HAUS5: variants seen among roughly 807,000 people sequenced by gnomAD.
HAUS5 encodes HAUS augmin-like complex subunit 5.
HAUS5 carries 67 observed loss-of-function variants against 94.1 expected under a neutral mutation model. The ratio of observed to expected loss-of-function variants is 0.71; its 90% CI spans 0.58 to 0.87. HAUS5 has a LOEUF of 0.87. HAUS5 is among the 40% of genes least tolerant of loss of function. The pLI is 0.00. For missense variants in HAUS5, 739 were observed against 825.6 expected, an observed-to-expected ratio of 0.90 and a Z score of 1.29; for synonymous variants, 339 against 355.4, an observed-to-expected ratio of 0.95 and a Z score of 0.52.
In HAUS5 at chr19:35,617,972, G is replaced by T. The variant is rs143635274; in HGVS notation, c.696+60G>T. ...TCCCGCTCCTTGATCAAAACTTAGG[G>T]TGCCAGGACCTAACTCTTGATGACA... is the stretch of plus-strand genomic sequence containing the variant. On this transcript the variant is annotated intron_variant, in intron 9 of 18. Transcript: ENST00000203166. 1.9e-6 allele frequency: 3 copies of T among 1,607,284 alleles called. No homozygotes were observed. In the African/African-American group the frequency reaches 4.0e-5, roughly 21 times the overall value.
At chr19:35,616,240 C>T (rs2071941839) in intron 6 of HAUS5, among the ~76,000 whole-genome samples, 1 of 151,792 alleles carries the variant, frequency 6.6e-6, no homozygotes, top group Non-Finnish European at 1.5e-5. Context: ...ATCACTTGAA[C>T]CCAGGAAAAG....
At position 35,620,266 on chromosome 19, in the gene HAUS5, C is replaced by A. The variant is rs61738561; in HGVS notation, c.1590C>A (p.Ser530Arg). The A allele has an allele frequency of 7.6e-4, 1,219 of 1,613,802 alleles. 8 individuals are homozygous for A. The African/African-American group carries it at 0.015, about 20-fold the overall frequency. The change falls in exon 17 of 19, where the codon AGC becomes AGA. Residue 530 changes from serine (S) to arginine (R), a missense_variant. Physicochemically the swap from Ser to Arg is moderately radical, Grantham distance 110. Transcript: ENST00000203166. ...QDLLLLQDQR[S>R]LWCWDLLHMK... Reference sequence around the variant, plus strand: ...TTCTGCTCCTGCAGGACCAGCGGAGCCTCTGGTGCTGGGATCTACTCCACA... The same window carrying A: ...TTCTGCTCCTGCAGGACCAGCGGAGACTCTGGTGCTGGGATCTACTCCACA...
Position 35,622,898 on chromosome 19 carries a change from G to A in HAUS5, c.1807G>A (p.Ala603Thr), listed in dbSNP as rs370867148. 45 of 1,613,892 alleles carry A rather than the reference G, an allele frequency of 2.8e-5. 1 individual carries two copies. Among genetic ancestry groups the A allele is most frequent in the Admixed American group, 3.3e-5 (2 of 60,002 alleles). The change falls in exon 19 of 19, where the codon GCC (alanine) becomes ACC (threonine). Residue 603 changes from alanine (A) to threonine (T), a missense_variant. Ala to Thr is a moderately conservative substitution (Grantham distance 58, BLOSUM62 0). Transcript: ENST00000203166. The stretch of plus-strand genomic sequence containing the variant: ...CAGGTGGGAGCAGCCAGGCCAGGCC[G>A]CCCTCTCTGAGGAGCTCTGCCAGGG... ...GDWWEQPGQA[A>T]LSEELCQGLS... is the part of the protein sequence containing the mutation.
intron 6 of HAUS5, among the ~76,000 whole-genome samples, chr19:35,616,416 A>G (rs144356719): frequency 1.3e-5 from 2 of 152,342 alleles, no homozygotes; most frequent in African/African-American, 4.8e-5. Context: ...ATTAATACCA[A>G]GCTTATAGGG....
rs1166901223 is a variant in HAUS5 at position 35,623,089 on chromosome 19, T to A, written c.*96T>A. ...TGGAAGAAAGCAGCGCCAGGATTCCTCGGCAGTCGTCCCCACCCGCACCTG... is the reference window on the plus strand; with the variant it reads ...TGGAAGAAAGCAGCGCCAGGATTCCACGGCAGTCGTCCCCACCCGCACCTG... On this transcript the variant is annotated 3_prime_UTR_variant, in exon 19 of 19. Coordinates refer to ENST00000203166, the MANE Select transcript of HAUS5 (RefSeq NM_015302.2). 3 of 856,124 alleles carry A rather than the reference T, an allele frequency of 3.5e-6. No homozygotes were observed. The South Asian group carries it at 4.8e-5, about 14-fold the overall frequency. 53.0% of individuals were successfully genotyped at this position (856,124 alleles called of 1,614,324 possible).
chr19:35,612,788 C>G lies in HAUS5; in HGVS notation c.-7C>G. On this transcript the variant is annotated 5_prime_UTR_variant, in exon 1 of 19. Coordinates refer to ENST00000203166, the MANE Select transcript of HAUS5 (RefSeq NM_015302.2). ...GAGGGAGGCGGTGTCGCCGCCGCGGCGCTGTCATGGAGCTAGCGCAGGAAG... is the reference window on the plus strand; with the variant it reads ...GAGGGAGGCGGTGTCGCCGCCGCGGGGCTGTCATGGAGCTAGCGCAGGAAG... 1 of 1,542,076 alleles carries G rather than the reference C, an allele frequency of 6.5e-7. No homozygotes were observed. The highest frequency in any genetic ancestry group is 2.0e-5 in the Admixed American group (1 of 49,662).
At chr19:35,621,201 T>G (rs909869070) in intron 17 of HAUS5, among the ~76,000 whole-genome samples, 32 of 152,314 alleles carry the variant, frequency 2.1e-4, no homozygotes, top group African/African-American at 6.7e-4. Flanking sequence ...GCCTCTGAGT[T>G]TGGGGCTCCC....
chr19:35,614,575 C>T (rs1281092692), intron 4 of HAUS5, among the ~76,000 whole-genome samples: 1 of 152,046 alleles, frequency 6.6e-6, no homozygotes, highest in Non-Finnish European at 1.5e-5. Flanking sequence ...TAGAGCGAGA[C>T]TCTATCTCAA....
Position 35,620,293 on chromosome 19 carries a change from G to A in HAUS5, c.1617G>A (p.Met539Ile), listed in dbSNP as rs1007492268. 6.2e-6 allele frequency: 10 copies of A among 1,613,276 alleles called. No homozygotes were observed. The highest frequency in any genetic ancestry group is 8.5e-6 in the Non-Finnish European group (10 of 1,179,842). ...TCTGGTGCTGGGATCTACTCCACAT[G>A]AAGACCAGCCTGCCGCCAGGCCTTC... is the stretch of plus-strand genomic sequence containing the variant. ...RSLWCWDLLH[M>I]KTSLPPGLPT... The change falls in exon 17 of 19, where the codon ATG becomes ATA. Residue 539 changes from methionine (M) to isoleucine (I), a missense_variant. Coordinates refer to ENST00000203166, the MANE Select transcript of HAUS5 (RefSeq NM_015302.2).
rs749955742 is a variant in HAUS5 at position 35,615,391 on chromosome 19, G to A, written c.485+5G>A. 1.2e-6 allele frequency: 2 copies of A among 1,601,360 alleles called. No homozygotes were observed. Among genetic ancestry groups the A allele is most frequent in the African/African-American group, 1.3e-5 (1 of 74,726 alleles). ...GCGCCTGCAGGACATGGAGAGGTGG[G>A]CCTCAGGGACCCACCCTCACCAGGC... On this transcript the variant is annotated splice_donor_5th_base_variant and intron_variant, in intron 6 of 18. Coordinates refer to ENST00000203166, the MANE Select transcript of HAUS5 (RefSeq NM_015302.2).
intron 8 of HAUS5, 68 bp from the exon 9 acceptor site, chr19:35,617,787 G>A (rs1246005330): frequency 2.3e-6 from 3 of 1,307,966 alleles, no homozygotes; most frequent in Non-Finnish European, 3.3e-6. Context: ...CTTATAGGGT[G>A]GTGGTGATAA....
rs775569821 is a variant in HAUS5, at chr19:35,612,780, C to A, written c.-15C>A. ...AAGAGGCTGAGGGAGGCGGTGTCGC[C>A]GCCGCGGCGCTGTCATGGAGCTAGC... On this transcript the variant is annotated 5_prime_UTR_variant, in exon 1 of 19. Coordinates refer to ENST00000203166, the MANE Select transcript of HAUS5 (RefSeq NM_015302.2). The A allele has an allele frequency of 3.2e-6, 5 of 1,539,584 alleles. No individual in the cohort carries two copies. Among genetic ancestry groups the A allele is most frequent in the South Asian group, 1.2e-5 (1 of 83,404 alleles).
In HAUS5 at chr19:35,615,274, C is replaced by T. The variant is rs760065079; in HGVS notation, c.373C>T (p.Arg125Ter). 5.0e-6 allele frequency: 8 copies of T among 1,613,946 alleles called. No individual in the cohort carries two copies. Among genetic ancestry groups the T allele is most frequent in the South Asian group, 1.1e-5 (1 of 91,074 alleles). ...ARQHTQDTQR[R>*]ALLLRAQAGA... ...TCAGCACACTCAAGACACCCAGCGT[C>T]GAGCTCTCCTCCTCCGGGCCCAAGC... Residue 125 changes from arginine (R) to a stop codon, truncating the protein, a stop_gained, in exon 6 of 19, where the codon CGA becomes TGA. Coordinates refer to ENST00000203166, the MANE Select transcript of HAUS5 (RefSeq NM_015302.2). LOFTEE classifies it high-confidence loss of function.
chr19:35,623,072 A>G lies in HAUS5; in HGVS notation c.*79A>G, dbSNP rs1967240933. 2.0e-6 allele frequency: 2 copies of G among 995,658 alleles called. No homozygotes were observed. Among genetic ancestry groups the G allele is most frequent in the Admixed American group, 4.2e-5 (2 of 47,718 alleles). 61.7% of individuals were successfully genotyped at this position (995,658 alleles called of 1,614,324 possible). On this transcript the variant is annotated 3_prime_UTR_variant, in exon 19 of 19. Coordinates refer to ENST00000203166, the MANE Select transcript of HAUS5 (RefSeq NM_015302.2). ...ACCTCCCCCAGGACATTTGGAAGAA[A>G]GCAGCGCCAGGATTCCTCGGCAGTC...
Position 35,612,887 on chromosome 19 carries a change from G to T in HAUS5, c.93G>T (p.Leu31=), listed in dbSNP as rs1360805759. ...PVAARAPEST[L]RRLCLGQGAD... ...CGGCCCGGGCCCCGGAATCGACGCT[G>T]CGCAGGTGAGGACCGCTCCTGGAGT... The change falls in exon 1 of 19, where the codon CTG becomes CTT. Residue 31 remains leucine, a synonymous_variant. Transcript: ENST00000203166. The T allele has an allele frequency of 6.5e-7, 1 of 1,543,774 alleles. No individual in the cohort carries two copies. Among genetic ancestry groups the T allele is most frequent in the Non-Finnish European group, 8.7e-7 (1 of 1,144,152 alleles).
chr19:35,614,144 G>T, intron 4 of HAUS5, 85 bp downstream of exon 4: 1 of 1,213,302 alleles, frequency 8.2e-7, no homozygotes, highest in South Asian at 1.2e-5. Context: ...GGTGCTGGGT[G>T]ATGCTGGGGA....
chr19:35,622,222 C>T (rs572312844), intron 17 of HAUS5, among the ~76,000 whole-genome samples: 4 of 151,930 alleles, frequency 2.6e-5, no homozygotes, highest in East Asian at 3.9e-4. Context: ...TGGTGTAGTG[C>T]GGAGGGTGAA....
At chr19:35,622,831 C>A in intron 18 of HAUS5, 45 bp from the exon 19 acceptor site, 7 of 1,604,264 alleles carry the variant, frequency 4.4e-6, no homozygotes, top group Non-Finnish European at 4.3e-6. Context: ...CAGGGAGGGT[C>A]TGGAGGGTCA....
rs1491105680 is a variant in HAUS5 at position 35,624,101 on chromosome 19, T to TG, written c.*1109dup. 1.7e-4 allele frequency: 21 copies of TG among 125,056 alleles called. No individual in the cohort carries two copies. The highest frequency in any genetic ancestry group is 6.1e-4 in the African/African-American group (19 of 31,374). The allele number at this position is 125,056 out of a possible 1,614,324, so 7.7% of individuals were successfully genotyped here. A position where few individuals can be genotyped will look rare whatever the true frequency, so the allele number is the denominator to read the frequency against. On this transcript the variant is annotated 3_prime_UTR_variant, in exon 19 of 19. Coordinates refer to ENST00000203166, the MANE Select transcript of HAUS5 (RefSeq NM_015302.2). Reference sequence around the variant, plus strand: ...TGTCATATCTGTTCTTGTTTTCTTTTGTTTTTTTTTTTTTTTTTTTTGAGA... The same window carrying TG: ...TGTCATATCTGTTCTTGTTTTCTTTTGGTTTTTTTTTTTTTTTTTTTTGAGA...
Sources: allele counts gnomAD v4.1 joint callset (sites outside exome capture counted in the v4.1 genomes callset), GRCh38; gene constraint gnomAD v4.1.1; transcripts MANE v1.5; gene names NCBI Gene and HGNC (gene_info 2026-07-23, HGNC 2026-07-21).